The following ZSCAN25 variants were observed in gnomAD, a reference collection of about 807,000 sequenced individuals.
ZSCAN25 encodes zinc finger and SCAN domain-containing protein 25.
ZSCAN25 carries 27 observed loss-of-function variants against 38.7 expected under a neutral mutation model. That is an observed-to-expected ratio of 0.70 (90% CI 0.51 to 0.96). ZSCAN25 has a LOEUF of 0.96. Ranked by LOEUF, ZSCAN25 falls within the 40% of genes least tolerant of loss-of-function variation. ZSCAN25 has a pLI of 0.00. For missense variants in ZSCAN25, 637 were observed against 705.9 expected (o/e 0.90, Z 1.11); for synonymous variants, 273 against 277.7 (o/e 0.98, Z 0.17).
At chr7:99,638,576 C>T in the ZSCAN25 span, 3 of 1,564,484 alleles carry the variant, frequency 1.9e-6, no homozygotes. Context: ...TGGCCACCCA[C>T]ATCCCATATG....
chr7:99,692,107 C>T, the ZSCAN25 span, among the ~76,000 whole-genome samples: 40 of 152,314 alleles, frequency 2.6e-4, no homozygotes, highest in Middle Eastern at 3.4e-3. Context: ...CAAAATCTCT[C>T]AGCATTTGCT....
At chr7:99,632,986 G>GTTTTTTTTTTTGTTTTTTTTTT (rs201141594), downstream of ZSCAN25, among the ~76,000 whole-genome samples, 2 of 141,482 alleles carry the variant, frequency 1.4e-5, no homozygotes, top group South Asian at 4.8e-4. Context: ...TGCATTTTCT[G>GTTTTTTTTTTTGTTTTTTTTTT]TTGTTTTTTT....
chr7:99,649,640 C>T, the ZSCAN25 span, among the ~76,000 whole-genome samples: 3 of 152,180 alleles, frequency 2.0e-5, no homozygotes, highest in Admixed American at 1.3e-4. Context: ...ATGTCACAGG[C>T]ATCATGAATT....
the ZSCAN25 span, among the ~76,000 whole-genome samples, chr7:99,731,527 A>T: frequency 1.3e-5 from 2 of 152,152 alleles, no homozygotes; most frequent in Non-Finnish European, 2.9e-5. Context: ...TGGGATTCTC[A>T]TCCTAGGTAG....
chr7:99,672,828 G>A, the ZSCAN25 span: 1 of 1,471,804 alleles, frequency 6.8e-7, no homozygotes. Flanking sequence ...TAGTTCATTA[G>A]GGTGTGACAC....
chr7:99,687,779 G>A, the ZSCAN25 span, among the ~76,000 whole-genome samples: 4 of 152,144 alleles, frequency 2.6e-5, no homozygotes, highest in East Asian at 1.9e-4. Context: ...GAGAAAGGTC[G>A]GGTTACCCAC....
chr7:99,656,732 G>A, the ZSCAN25 span, among the ~76,000 whole-genome samples: 29 of 152,144 alleles, frequency 1.9e-4, no homozygotes, highest in Non-Finnish European at 2.5e-4. Flanking sequence ...TGGTTGGTAA[G>A]CTATTAATTA....
At chr7:99,728,172 A>C in the ZSCAN25 span, among the ~76,000 whole-genome samples, 1 of 152,122 alleles carries the variant, frequency 6.6e-6, no homozygotes, top group East Asian at 1.9e-4. Context: ...ACCAAGAAAA[A>C]TATCTCCTTC....
At chr7:99,709,777 T>TGTGG in the ZSCAN25 span, among the ~76,000 whole-genome samples, 1 of 151,498 alleles carries the variant, frequency 6.6e-6, no homozygotes, top group South Asian at 2.1e-4. Context: ...TATATATATG[T>TGTGG]GTGTGTGTGT....
the ZSCAN25 span, chr7:99,672,439 A>G: frequency 4.4e-6 from 3 of 682,048 alleles, no homozygotes; most frequent in Non-Finnish European, 7.8e-6. Flanking sequence ...AGATGTTACC[A>G]CTGGGCGGGA....
chr7:99,643,456 C>T, the ZSCAN25 span, among the ~76,000 whole-genome samples: 2 of 150,066 alleles, frequency 1.3e-5, no homozygotes, highest in African/African-American at 4.9e-5. Context: ...ATTTTTTTTT[C>T]CATGGGGCCA....
At chr7:99,643,437 T>C in the ZSCAN25 span, among the ~76,000 whole-genome samples, 1 of 152,180 alleles carries the variant, frequency 6.6e-6, no homozygotes, top group African/African-American at 2.4e-5. Context: ...CCCTTTTTTT[T>C]TCATGTTCAT....
chr7:99,631,601 C>G lies in ZSCAN25; in HGVS notation c.*1581C>G, dbSNP rs984652718. 5.1e-6 allele frequency: 5 copies of G among 985,156 alleles called. No individual in the cohort carries two copies. In the Admixed American group the frequency reaches 1.8e-4, roughly 36 times the overall value. 61.0% of individuals were successfully genotyped at this position (985,156 alleles called of 1,614,324 possible). ...TTTGTCTTCTGATGCCTCTTAATACCAGATTCTTTTACTGAGATTTTTTTT... is the reference window on the plus strand; with the variant it reads ...TTTGTCTTCTGATGCCTCTTAATACGAGATTCTTTTACTGAGATTTTTTTT... On this transcript the variant is annotated 3_prime_UTR_variant, in exon 8 of 8. Coordinates refer to ENST00000394152, the MANE Select transcript of ZSCAN25 (RefSeq NM_145115.3).
the ZSCAN25 span, among the ~76,000 whole-genome samples, chr7:99,736,901 G>T: frequency 6.6e-6 from 1 of 152,160 alleles, no homozygotes; most frequent in Non-Finnish European, 1.5e-5. Context: ...CTTGGGGACA[G>T]CCTAGTGAAG....
the ZSCAN25 span, among the ~76,000 whole-genome samples, chr7:99,723,379 C>T: frequency 5.9e-5 from 9 of 152,154 alleles, no homozygotes; most frequent in African/African-American, 1.9e-4. Flanking sequence ...CTTGTGACCC[C>T]CTCCTCTGCT....
Position 99,631,424 on chromosome 7 carries a change from C to T in ZSCAN25, c.*1404C>T. On this transcript the variant is annotated 3_prime_UTR_variant, in exon 8 of 8. Coordinates refer to ENST00000394152, the MANE Select transcript of ZSCAN25 (RefSeq NM_145115.3). ...AAACTGTTGAAGCTTCCTTATTGTG[C>T]CATCACTTAAGGGTTTCATTTCTGT... 1.0e-6 allele frequency: 1 copy of T among 985,368 alleles called. No homozygotes were observed. The highest frequency in any genetic ancestry group is 4.7e-5 in the South Asian group (1 of 21,286). The allele number at this position is 985,368 out of a possible 1,614,324, so 61.0% of individuals were successfully genotyped here.
At chr7:99,735,467 A>G in the ZSCAN25 span, among the ~76,000 whole-genome samples, 3 of 152,150 alleles carry the variant, frequency 2.0e-5, no homozygotes, top group African/African-American at 7.2e-5. Flanking sequence ...CATAAAATCT[A>G]TTAACTCTCC....
the ZSCAN25 span, chr7:99,662,905 C>A: frequency 1.2e-6 from 2 of 1,613,144 alleles, no homozygotes; most frequent in East Asian, 2.2e-5. The surrounding 1 kb of genome is among the most constrained non-coding windows in gnomAD (Gnocchi z 4.3). Flanking sequence ...GGAGAGATTT[C>A]TTTGGCAGAA....
the ZSCAN25 span, among the ~76,000 whole-genome samples, chr7:99,728,832 T>C: frequency 2.0e-5 from 3 of 152,166 alleles, no homozygotes; most frequent in African/African-American, 7.2e-5. Flanking sequence ...GTCACAACTT[T>C]CTGTAGCCTT....
Sources: gnomAD v4.1 joint callset for allele counts (sites outside exome capture counted in the v4.1 genomes callset) on GRCh38, gnomAD v4.1.1 for gene constraint, Gnocchi (gnomAD v3.1) non-coding constraint, MANE v1.5 for transcripts, NCBI Gene and HGNC (gene_info 2026-07-23, HGNC 2026-07-21) for gene names.